The following ANKS1B variants were observed in gnomAD, a reference collection of about 807,000 sequenced individuals.
ANKS1B encodes ankyrin repeat and sterile alpha motif domain-containing protein 1B.
In ANKS1B, 36 loss-of-function variants were observed where a neutral mutation model predicts 148.3. The ratio of observed to expected loss-of-function variants is 0.24; its 90% CI spans 0.19 to 0.32. ANKS1B has a LOEUF of 0.32. Ranked by LOEUF, ANKS1B falls within the 10% of genes least tolerant of loss-of-function variation. The pLI is 1.00. For synonymous variants in ANKS1B, 542 were observed against 560.8 expected (o/e 0.97, Z 0.47); for missense variants, 1,157 against 1,542.6 (o/e 0.75, Z 4.19).
intron 10 of ANKS1B, among the ~76,000 whole-genome samples, chr12:99,463,043 T>C (rs1332665289): frequency 6.6e-6 from 1 of 152,200 alleles, no homozygotes; most frequent in Non-Finnish European, 1.5e-5. Flanking sequence ...GTCTCAGGTA[T>C]TCCTTTACAG....
At chr12:99,454,465 CAA>C (rs2095813286) in intron 10 of ANKS1B, among the ~76,000 whole-genome samples, 1 of 152,192 alleles carries the variant, frequency 6.6e-6, no homozygotes, top group Admixed American at 6.5e-5. Context: ...GAAGTTCTAG[CAA>C]AGAGTCAAAA....
chr12:98,774,552 C>G (rs950759790), intron 24 of ANKS1B, among the ~76,000 whole-genome samples: 2 of 152,178 alleles, frequency 1.3e-5, no homozygotes, highest in Admixed American at 6.5e-5. Flanking sequence ...ATTTTCTTAT[C>G]TTATAATATC....
intron 12 of ANKS1B, among the ~76,000 whole-genome samples, chr12:99,330,360 T>C (rs999701915): frequency 1.4e-4 from 21 of 152,066 alleles, no homozygotes; most frequent in African/African-American, 5.1e-4. Context: ...AAATGGAAGA[T>C]TCCTAGCCTG....
intron 12 of ANKS1B, among the ~76,000 whole-genome samples, chr12:99,356,526 C>T (rs1047045911): frequency 1.3e-5 from 2 of 152,086 alleles, no homozygotes; most frequent in Non-Finnish European, 2.9e-5. Flanking sequence ...CCAAGCTGAA[C>T]GTTGTACACG....
chr12:98,858,726 A>G (rs2099584254), intron 17 of ANKS1B, among the ~76,000 whole-genome samples: 1 of 152,038 alleles, frequency 6.6e-6, no homozygotes, highest in African/African-American at 2.4e-5. Flanking sequence ...AAGGAATCTG[A>G]CCCTCACTCC....
intron 10 of ANKS1B, among the ~76,000 whole-genome samples, chr12:99,496,742 C>T (rs1315834488): frequency 6.6e-6 from 1 of 151,756 alleles, no homozygotes; most frequent in Non-Finnish European, 1.5e-5. Flanking sequence ...TTCCTGTGGT[C>T]AGGATTAGAT....
At chr12:99,963,116 G>A (rs2095438802) in intron 1 of ANKS1B, among the ~76,000 whole-genome samples, 1 of 152,084 alleles carries the variant, frequency 6.6e-6, no homozygotes, top group Non-Finnish European at 1.5e-5. Flanking sequence ...CCCGGCCGAT[G>A]TTGAGCTTTT....
intron 12 of ANKS1B, among the ~76,000 whole-genome samples, chr12:99,303,190 G>C (rs2081909231): frequency 6.6e-6 from 1 of 152,084 alleles, no homozygotes; most frequent in Admixed American, 6.6e-5. Context: ...TTTGTTACAT[G>C]GGGAAGGTGT....
intron 15 of ANKS1B, among the ~76,000 whole-genome samples, chr12:99,104,238 T>G (rs1465821957): frequency 6.6e-6 from 1 of 152,204 alleles, no homozygotes; most frequent in Admixed American, 6.5e-5. Context: ...TGGTTACAGA[T>G]GAGATATTGA....
chr12:99,096,529 A>G (rs753183781), intron 15 of ANKS1B, among the ~76,000 whole-genome samples: 7 of 152,198 alleles, frequency 4.6e-5, no homozygotes, highest in Non-Finnish European at 1.0e-4. Flanking sequence ...ACGAAGGGCT[A>G]AACTAAAAGC....
chr12:99,821,392 C>A (rs1232746092), intron 2 of ANKS1B, among the ~76,000 whole-genome samples: 1 of 151,538 alleles, frequency 6.6e-6, no homozygotes, highest in Admixed American at 6.6e-5. Flanking sequence ...TTAAAAATAG[C>A]TAATCAAATT....
chr12:99,472,088 C>G (rs1189829181), intron 10 of ANKS1B, among the ~76,000 whole-genome samples: 2 of 152,028 alleles, frequency 1.3e-5, no homozygotes, highest in African/African-American at 4.8e-5. Flanking sequence ...TTACATAAAC[C>G]TAACCACCAC....
chr12:99,880,132 C>T (rs1009493268), intron 1 of ANKS1B, among the ~76,000 whole-genome samples: 17 of 152,284 alleles, frequency 1.1e-4, no homozygotes, highest in Admixed American at 1.0e-3. Flanking sequence ...ATGCCTGGCA[C>T]ACAAGTATTC....
intron 12 of ANKS1B, among the ~76,000 whole-genome samples, chr12:99,372,347 A>G (rs570156593): frequency 6.6e-6 from 1 of 152,224 alleles, no homozygotes; most frequent in African/African-American, 2.4e-5. Context: ...CATGGATTAC[A>G]TAGAACTTAA....
intron 17 of ANKS1B, among the ~76,000 whole-genome samples, chr12:98,905,290 A>G (rs1208951489): frequency 6.6e-6 from 1 of 152,210 alleles, no homozygotes; most frequent in Admixed American, 6.5e-5. Flanking sequence ...TTGTCAGAAC[A>G]GTGACAGATA....
At chr12:99,561,009 G>A (rs920739413) in intron 9 of ANKS1B, among the ~76,000 whole-genome samples, 4 of 151,864 alleles carry the variant, frequency 2.6e-5, no homozygotes, top group African/African-American at 7.3e-5. Flanking sequence ...ACCATGCCCA[G>A]CTAATTTTTT....
chr12:99,524,968 G>A (rs970037188), intron 9 of ANKS1B, among the ~76,000 whole-genome samples: 1 of 152,172 alleles, frequency 6.6e-6, no homozygotes, highest in Non-Finnish European at 1.5e-5. Flanking sequence ...CAAGGACTGT[G>A]AGCAGCTCAT....
At chr12:99,489,029 A>G (rs908631182) in intron 10 of ANKS1B, among the ~76,000 whole-genome samples, 29 of 152,100 alleles carry the variant, frequency 1.9e-4, no homozygotes, top group African/African-American at 6.8e-4. Flanking sequence ...AAATCATAAC[A>G]TCAGGAGTTT....
chr12:99,325,377 G>T (rs141021181), intron 12 of ANKS1B, among the ~76,000 whole-genome samples: 1 of 152,140 alleles, frequency 6.6e-6, no homozygotes, highest in African/African-American at 2.4e-5. Flanking sequence ...TGGGGCTAAT[G>T]CCCCAAAGAA....
Sources: gnomAD v4.1 joint callset for allele counts (sites outside exome capture counted in the v4.1 genomes callset) on GRCh38, gnomAD v4.1.1 for gene constraint, MANE v1.5 for transcripts, NCBI Gene and HGNC (gene_info 2026-07-23, HGNC 2026-07-21) for gene names.